RGS3: variants seen among roughly 807,000 people sequenced by gnomAD.
RGS3 encodes regulator of G-protein signalling 3.
In RGS3, 80 loss-of-function variants were observed where a neutral mutation model predicts 132.6. That is an observed-to-expected ratio of 0.60 (90% CI 0.50 to 0.73). RGS3 has a LOEUF of 0.73. RGS3 is among the 30% of genes least tolerant of loss of function. RGS3 has a pLI of 0.00. For missense variants in RGS3, 1,382 were observed against 1,530.8 expected (o/e 0.90, Z 1.62); for synonymous variants, 598 against 620.6 (o/e 0.96, Z 0.54).
At chr9:113,530,564 G>C (rs1254918160) in intron 18 of RGS3, among the ~76,000 whole-genome samples, 1 of 152,214 alleles carries the variant, frequency 6.6e-6, no homozygotes, top group East Asian at 1.9e-4. Context: ...CACCACACTG[G>C]GTTCTGATTC....
chr9:113,501,401 G>T (rs753862934), intron 10 of RGS3: 8 of 1,437,386 alleles, frequency 5.6e-6, no homozygotes, highest in Non-Finnish European at 7.3e-6. Context: ...GGCTTATCGT[G>T]CAGAGGCACA....
intron 20 of RGS3, chr9:113,588,968 A>G (rs1835272428): frequency 6.6e-6 from 1 of 152,278 alleles, no homozygotes; most frequent in South Asian, 2.1e-4. Context: ...TACAGTTATA[A>G]TTACAGTAAG....
At chr9:113,525,649 C>T (rs1034357042) in intron 17 of RGS3, among the ~76,000 whole-genome samples, 6 of 152,236 alleles carry the variant, frequency 3.9e-5, no homozygotes, top group Non-Finnish European at 8.8e-5. Flanking sequence ...ACAAGGAATG[C>T]ACCCAACCTT....
intron 1 of RGS3, among the ~76,000 whole-genome samples, chr9:113,451,429 A>G (rs184750697): frequency 6.6e-6 from 1 of 152,200 alleles, no homozygotes; most frequent in African/African-American, 2.4e-5. Context: ...ATCACAGTAC[A>G]TGGATCCAGA....
At position 113,490,709 on chromosome 9, in the gene RGS3, A is replaced by G. The variant is rs1384374782; in HGVS notation, c.689+5016A>G. ...TATAATATATTATATTATATTTTATATTGGTATATATAATTATATATAACT... is the reference window on the plus strand; with the variant it reads ...TATAATATATTATATTATATTTTATGTTGGTATATATAATTATATATAACT... On this transcript the variant is annotated intron_variant, in intron 7 of 24. Transcript: ENST00000350696. Among the ~76,000 whole-genome samples the G allele has an allele frequency of 3.5e-5, 5 of 143,150 alleles. No homozygotes were observed. The East Asian group carries it at 1.0e-3, about 29-fold the overall frequency. The allele number at this position is 143,150 out of a possible 152,430, so 93.9% of individuals were successfully genotyped here.
rs564085913 is a variant in RGS3, at chr9:113,490,742, AATTAT to A, written c.690-5040_690-5036del. ...ATATAATTATATATAACTTAATTAT[AATTAT>A]ATTGGTATATATAATTATATATATA... On this transcript the variant is annotated intron_variant, in intron 7 of 24. Transcript: ENST00000350696. Among the ~76,000 whole-genome samples the A allele has an allele frequency of 5.9e-3, 699 of 118,106 alleles. 6 individuals carry two copies. The highest frequency in any genetic ancestry group is 0.023 in the African/African-American group (669 of 28,652). 77.5% of individuals were successfully genotyped at this position (118,106 alleles called of 152,430 possible).
At chr9:113,453,802 T>C (rs1022630069) in intron 1 of RGS3, among the ~76,000 whole-genome samples, 5 of 147,724 alleles carry the variant, frequency 3.4e-5, no homozygotes, top group African/African-American at 7.4e-5. Flanking sequence ...TTATATAATA[T>C]AATAAATATA....
At position 113,584,404 on chromosome 9, in the gene RGS3, C is replaced by T. The variant is rs1255901491; in HGVS notation, c.2992C>T (p.Leu998Phe). ...TGGTGGCTCCATGCACCACCTTTCC[C>T]TCTTCTTCACAGGACACAGGAAGGT... Residue 998 changes from leucine (L) to phenylalanine (F), a missense_variant, in exon 20 of 25, where the codon CTC becomes TTC. By Grantham distance (22) the Leu-to-Phe change is conservative. Transcript: ENST00000350696. 1 of 1,523,858 alleles carries T rather than the reference C, an allele frequency of 6.6e-7. No homozygotes were observed. Among genetic ancestry groups the T allele is most frequent in the East Asian group, 2.3e-5 (1 of 44,228 alleles). 94.4% of individuals were successfully genotyped at this position (1,523,858 alleles called of 1,614,324 possible).
chr9:113,535,896 G>A (rs561167076), intron 18 of RGS3, among the ~76,000 whole-genome samples: 2 of 152,228 alleles, frequency 1.3e-5, no homozygotes, highest in African/African-American at 4.8e-5. Context: ...TCCCTACCCC[G>A]CCCCTAGCAC....
intron 19 of RGS3, among the ~76,000 whole-genome samples, chr9:113,562,171 G>A (rs1833817546): frequency 6.6e-6 from 1 of 152,146 alleles, no homozygotes; most frequent in Non-Finnish European, 1.5e-5. Context: ...TCCATAAAAT[G>A]GGGATATTAG....
intron 7 of RGS3, among the ~76,000 whole-genome samples, chr9:113,493,459 G>C (rs1045285880): frequency 1.3e-5 from 2 of 152,212 alleles, no homozygotes; most frequent in African/African-American, 2.4e-5. Context: ...AGGGGCCTCA[G>C]CTCTGGGCCA....
chr9:113,594,060 C>G (rs772178851), intron 21 of RGS3: 4 of 1,612,914 alleles, frequency 2.5e-6, no homozygotes, highest in Non-Finnish European at 2.5e-6. Flanking sequence ...TTCCGCTCCC[C>G]CTCCTGGTCC....
chr9:113,498,038 A>G, exon 10 of RGS3: 3 of 1,614,046 alleles, frequency 1.9e-6, no homozygotes, highest in East Asian at 2.2e-5. Flanking sequence ...CGCTGCTGAG[A>G]ATGCCAGGAG....
chr9:113,582,037 C>T (rs777756511), intron 19 of RGS3: 217 of 985,372 alleles, frequency 2.2e-4, no homozygotes, highest in Non-Finnish European at 2.5e-4. Context: ...TTACCCGTGC[C>T]GAGCTTTCAC....
intron 7 of RGS3, among the ~76,000 whole-genome samples, chr9:113,491,693 T>A (rs565246308): frequency 5.9e-5 from 9 of 152,152 alleles, no homozygotes; most frequent in African/African-American, 2.2e-4. Flanking sequence ...TAGCTGGGAT[T>A]ACAGGCGCAT....
chr9:113,452,006 A>G (rs559451346), intron 1 of RGS3, among the ~76,000 whole-genome samples: 1 of 151,218 alleles, frequency 6.6e-6, no homozygotes, highest in Non-Finnish European at 1.5e-5. Context: ...TTTTTGTTTT[A>G]TTTTTCTTAA....
chr9:113,527,031 T>A (rs1209609558), intron 17 of RGS3, among the ~76,000 whole-genome samples: 2 of 152,166 alleles, frequency 1.3e-5, no homozygotes, highest in Non-Finnish European at 2.9e-5. Context: ...CCATGCTGAG[T>A]GCTGCCCCCA....
chr9:113,539,740 G>A (rs1335920264), intron 19 of RGS3, among the ~76,000 whole-genome samples: 3 of 152,228 alleles, frequency 2.0e-5, no homozygotes, highest in East Asian at 1.9e-4. Flanking sequence ...ACACCCAGAT[G>A]TGGGGGATTC....
chr9:113,490,664 A>C (rs1830477035), intron 7 of RGS3, among the ~76,000 whole-genome samples: 1 of 145,322 alleles, frequency 6.9e-6, no homozygotes, highest in South Asian at 2.1e-4. Context: ...ATATTATTAT[A>C]AATTATATAA....
Sources: allele counts gnomAD v4.1 joint callset (sites outside exome capture counted in the v4.1 genomes callset), GRCh38; gene constraint gnomAD v4.1.1; transcripts MANE v1.5; gene names NCBI Gene and HGNC (gene_info 2026-07-23, HGNC 2026-07-21).